KSR2: variants seen among roughly 807,000 people sequenced by gnomAD.
The protein encoded by KSR2 is kinase suppressor of ras 2.
In KSR2, 25 loss-of-function variants were observed where a neutral mutation model predicts 107.8. The ratio of observed to expected loss-of-function variants is 0.23; its 90% confidence interval spans 0.17 to 0.32. The LOEUF (loss-of-function observed/expected upper bound fraction) is 0.32. KSR2 is among the 10% of genes least tolerant of loss of function. The pLI is 1.00. For missense variants in KSR2, 887 were observed against 1,268.9 expected (o/e 0.70, Z 4.57); for synonymous variants, 480 against 507.0 (o/e 0.95, Z 0.71).
intron 5 of KSR2, among the ~76,000 whole-genome samples, chr12:117,607,249 T>C (rs1329762806): frequency 6.6e-6 from 1 of 152,174 alleles, no homozygotes; most frequent in African/African-American, 2.4e-5. Flanking sequence ...AGTTTGCATA[T>C]ACAGGAAATT....
chr12:117,846,489 G>T (rs780656094), intron 3 of KSR2, among the ~76,000 whole-genome samples: 2 of 151,944 alleles, frequency 1.3e-5, no homozygotes, highest in Non-Finnish European at 2.9e-5. Flanking sequence ...TTTTTGTACA[G>T]ATGGGGTCTT....
intron 3 of KSR2, among the ~76,000 whole-genome samples, chr12:117,783,556 T>G (rs1373509458): frequency 6.6e-6 from 1 of 152,154 alleles, no homozygotes; most frequent in African/African-American, 2.4e-5. Context: ...AGCCTATCTT[T>G]CCCAAAAATT....
intron 5 of KSR2, among the ~76,000 whole-genome samples, chr12:117,629,687 C>T (rs777580449): frequency 7.9e-5 from 12 of 152,196 alleles, no homozygotes; most frequent in Non-Finnish European, 7.3e-5. Context: ...TATATGTCCT[C>T]AATAGGACAC....
intron 5 of KSR2, among the ~76,000 whole-genome samples, chr12:117,655,579 T>C (rs986771541): frequency 9.2e-5 from 14 of 152,114 alleles, no homozygotes; most frequent in African/African-American, 4.8e-5. Flanking sequence ...CCCCTAGTGA[T>C]CCACTAGCAA....
At chr12:117,901,690 G>T (rs972936040) in intron 1 of KSR2, among the ~76,000 whole-genome samples, 3 of 152,092 alleles carry the variant, frequency 2.0e-5, no homozygotes, top group African/African-American at 7.2e-5. Context: ...CGTGGAGTGT[G>T]GTTGGTTGGC....
chr12:117,901,639 GA>G (rs938039682), intron 1 of KSR2, among the ~76,000 whole-genome samples: 18 of 151,816 alleles, frequency 1.2e-4, no homozygotes, highest in South Asian at 4.2e-4. Context: ...ACGCAAAAAA[GA>G]AAAAAAATTA....
chr12:117,653,662 G>A (rs193088410), intron 5 of KSR2, among the ~76,000 whole-genome samples: 1 of 152,220 alleles, frequency 6.6e-6, no homozygotes, highest in African/African-American at 2.4e-5. Context: ...AGTGGTGTGG[G>A]ACCTGTCGAG....
intron 4 of KSR2, among the ~76,000 whole-genome samples, chr12:117,748,280 G>C (rs7980913): frequency 6.6e-6 from 1 of 151,968 alleles, no homozygotes. Flanking sequence ...TGGTTACCAG[G>C]AGCTGGCAGG....
intron 14 of KSR2, among the ~76,000 whole-genome samples, chr12:117,490,734 T>C (rs1872701777): frequency 1.3e-5 from 2 of 152,156 alleles, no homozygotes; most frequent in South Asian, 4.1e-4. Context: ...TCTTCAATGA[T>C]TTAATGAAGC....
intron 1 of KSR2, among the ~76,000 whole-genome samples, chr12:117,932,839 C>A (rs904851443): frequency 6.6e-6 from 1 of 151,968 alleles, no homozygotes. Flanking sequence ...ATGGTGAAAC[C>A]CCATCTCTAC....
rs1350089374 is a variant in KSR2, at chr12:117,455,350, A to T, written c.*11849T>A. 1 of 152,302 alleles carries T rather than the reference A, an allele frequency of 6.6e-6. No homozygotes were observed. Among genetic ancestry groups the T allele is most frequent in the Admixed American group, 6.5e-5 (1 of 15,290 alleles). 9.4% of individuals were successfully genotyped at this position (152,302 alleles called of 1,614,324 possible). On this transcript the variant is annotated 3_prime_UTR_variant, in exon 20 of 20. Transcript: ENST00000339824. ...AGGGGGCAGGATTTTAGCCACTTGC[A>T]GTTACCCTCAATAAATCATGATCTT... is the stretch of plus-strand genomic sequence containing the variant.
chr12:117,599,362 G>C (rs1291206620), intron 5 of KSR2, among the ~76,000 whole-genome samples: 1 of 152,158 alleles, frequency 6.6e-6, no homozygotes, highest in African/African-American at 2.4e-5. Context: ...GGAAGGATAG[G>C]TTGTTAATAC....
At chr12:117,685,769 C>G (rs1021172370) in intron 4 of KSR2, among the ~76,000 whole-genome samples, 1 of 152,212 alleles carries the variant, frequency 6.6e-6, no homozygotes, top group Non-Finnish European at 1.5e-5. Context: ...AGGTGCCCCA[C>G]CCCCAACCCA....
rs148025374 is a variant in KSR2 at position 117,694,849 on chromosome 12, T to C, written c.987-27191A>G. On this transcript the variant is annotated intron_variant, in intron 4 of 19. Coordinates refer to ENST00000339824, the MANE Select transcript of KSR2 (RefSeq NM_173598.6). ...AAGGACAAATGTTGTATGATTCTTTTTTTTTTTTTTTTTTTTTTGAGATGG... is the reference window on the plus strand; with the variant it reads ...AAGGACAAATGTTGTATGATTCTTTCTTTTTTTTTTTTTTTTTTGAGATGG... 2.6e-3 allele frequency among the ~76,000 whole-genome samples: 317 copies of C among 122,966 alleles called. 10 individuals carry two copies. Among genetic ancestry groups the C allele is most frequent in the Middle Eastern group, 3.8e-3 (1 of 262 alleles). The allele number at this position is 122,966 out of a possible 152,430, so 80.7% of individuals were successfully genotyped here.
rs371632863 is a variant in KSR2, at chr12:117,565,154, G to A, written c.1326-6581C>T. Among the ~76,000 whole-genome samples the A allele has an allele frequency of 2.0e-3, 305 of 152,290 alleles. 1 individual carries two copies. The highest frequency in any genetic ancestry group is 3.4e-3 in the Non-Finnish European group (228 of 68,022). ...ACAGAGCTGGAATCCAAATGCTGGC[G>A]TTCACAGGAGGGACAGGCAAGACCC... On this transcript the variant is annotated intron_variant, in intron 7 of 19. Transcript: ENST00000339824.
intron 14 of KSR2, among the ~76,000 whole-genome samples, chr12:117,499,369 C>T (rs1255475355): frequency 5.3e-5 from 8 of 152,008 alleles, no homozygotes; most frequent in Non-Finnish European, 2.9e-5. Context: ...CTAATTTTTC[C>T]TCCAATAAAT....
At chr12:117,812,174 C>T (rs11068685) in intron 3 of KSR2, among the ~76,000 whole-genome samples, 1,797 of 152,276 alleles carry the variant, frequency 0.012, 37 homozygotes, top group African/African-American at 0.041. Flanking sequence ...CATATGGCTA[C>T]TGGGCACTTG....
At chr12:117,501,581 C>A (rs1873379926) in intron 14 of KSR2, among the ~76,000 whole-genome samples, 1 of 152,196 alleles carries the variant, frequency 6.6e-6, no homozygotes, top group Non-Finnish European at 1.5e-5. Context: ...GTCTGGTGGG[C>A]AGGCACATAT....
chr12:117,569,159 G>A (rs1878719193), intron 7 of KSR2, among the ~76,000 whole-genome samples: 1 of 151,592 alleles, frequency 6.6e-6, no homozygotes, highest in African/African-American at 2.4e-5. Context: ...AAAAAAATTG[G>A]ACATTTTTAG....
Sources: allele counts gnomAD v4.1 joint callset (sites outside exome capture counted in the v4.1 genomes callset), GRCh38; gene constraint gnomAD v4.1.1; transcripts MANE v1.5; gene names NCBI Gene and HGNC (gene_info 2026-07-23, HGNC 2026-07-21).